The following PLCB3 variants were observed in gnomAD, a reference collection of about 807,000 sequenced individuals.
PLCB3 encodes the protein phospholipase C beta 3.
Under a neutral mutation model 152.1 loss-of-function variants are expected in PLCB3, and 54 were observed. The ratio of observed to expected loss-of-function variants is 0.36; its 90% CI spans 0.29 to 0.45. The LOEUF is 0.45. PLCB3 is among the 20% of genes least tolerant of loss of function. PLCB3 has a pLI of 1.00. For synonymous variants in PLCB3, 717 were observed against 698.7 expected, an observed-to-expected ratio of 1.03 and a Z score of -0.41; for missense variants, 1,248 against 1,687.5, an observed-to-expected ratio of 0.74 and a Z score of 4.56.
intron 1 of PLCB3, among the ~76,000 whole-genome samples, 171 bp downstream of exon 1, chr11:64,251,919 G>C (rs1349354426): frequency 6.6e-6 from 1 of 151,824 alleles, no homozygotes; most frequent in Non-Finnish European, 1.5e-5. Flanking sequence ...TGAAGACTTT[G>C]TCCCCCCAAC....
At position 64,255,968 on chromosome 11, in the gene PLCB3, G is replaced by A. The variant is rs538215788; in HGVS notation, c.698+147G>A. On this transcript the variant is annotated intron_variant, in intron 8 of 30. Coordinates refer to ENST00000279230, the MANE Select transcript of PLCB3 (RefSeq NM_000932.5). The surrounding 1 kb of genome is among the most constrained non-coding windows in gnomAD (Gnocchi z 6.8). Reference sequence around the variant, plus strand: ...GAGGGGTGCCCAGGGAGAACCTGTCGGTGATGTTCCTGTACTCAGACCCGC... The same window carrying A: ...GAGGGGTGCCCAGGGAGAACCTGTCAGTGATGTTCCTGTACTCAGACCCGC... 1.2e-5 allele frequency: 8 copies of A among 657,672 alleles called. No individual in the cohort carries two copies. Among genetic ancestry groups the A allele is most frequent in the African/African-American group, 5.4e-5 (3 of 56,024 alleles). 40.7% of individuals were successfully genotyped at this position (657,672 alleles called of 1,614,324 possible).
intron 1 of PLCB3, among the ~76,000 whole-genome samples, chr11:64,252,985 C>G (rs894085140): frequency 6.6e-6 from 1 of 152,196 alleles, no homozygotes; most frequent in Non-Finnish European, 1.5e-5. Context: ...GTTGGGAATC[C>G]GGAGAAGTGC....
intron 8 of PLCB3, among the ~76,000 whole-genome samples, chr11:64,256,070 G>A (rs1313939001): frequency 6.6e-6 from 1 of 152,184 alleles, no homozygotes; most frequent in Non-Finnish European, 1.5e-5. Flanking sequence ...ACTCTGCAAT[G>A]GGGTCCAAGC....
intron 24 of PLCB3, 25 bp downstream of exon 24, chr11:64,265,252 A>C: frequency 6.3e-7 from 1 of 1,592,886 alleles, no homozygotes; most frequent in Non-Finnish European, 8.6e-7. Flanking sequence ...ACCTGGAGGC[A>C]GGGGGCTGCC....
In PLCB3 at chr11:64,259,230, C is replaced by A; in HGVS notation, c.1511C>A (p.Ser504Tyr). 1 of 1,543,556 alleles carries A rather than the reference C, an allele frequency of 6.5e-7. No individual in the cohort carries two copies. ...LSESSAATEPSSPQLGSPSSD... is the reference protein window; with the variant it reads ...LSESSAATEPYSPQLGSPSSD... ...GAGAGCTCCGCGGCCACCGAGCCCT[C>A]CTCCCCGCAGCTGGGTAGGCCCCAG... The change falls in exon 13 of 31, where the codon TCC (serine) becomes TAC (tyrosine). Residue 504 changes from serine (S) to tyrosine (Y), a missense_variant. By Grantham distance (144) the Ser-to-Tyr change is moderately radical (BLOSUM62 -2). Coordinates refer to ENST00000279230, the MANE Select transcript of PLCB3 (RefSeq NM_000932.5).
At chr11:64,262,940 C>T in intron 19 of PLCB3, 132 bp downstream of exon 19, 1 of 876,128 alleles carries the variant, frequency 1.1e-6, no homozygotes, top group Admixed American at 2.2e-5. Flanking sequence ...TGCCATGGGT[C>T]CCCCAGGACC....
chr11:64,267,861 G>A lies in PLCB3; in HGVS notation c.*305G>A. ...AGACTTGGAGCTCCGGGAAGTAGGA[G>A]TCACATTTTTTTCTCTATTCTTTGG... On this transcript the variant is annotated 3_prime_UTR_variant, in exon 31 of 31. Coordinates refer to ENST00000279230, the MANE Select transcript of PLCB3 (RefSeq NM_000932.5). The surrounding 1 kb of genome is among the most constrained non-coding windows in gnomAD (Gnocchi z 5.2). The A allele has an allele frequency of 2.6e-6, 1 of 382,390 alleles. No homozygotes were observed. Among genetic ancestry groups the A allele is most frequent in the Non-Finnish European group, 4.7e-6 (1 of 213,190 alleles). 23.7% of individuals were successfully genotyped at this position (382,390 alleles called of 1,614,324 possible). A position where few individuals can be genotyped will look rare whatever the true frequency, so the allele number is the denominator to read the frequency against.
intron 10 of PLCB3, 151 bp downstream of exon 10, chr11:64,256,915 C>A: frequency 1.3e-6 from 1 of 798,904 alleles, no homozygotes; most frequent in Non-Finnish European, 1.9e-6. Context: ...CAGCCCTGAG[C>A]AGTGGGGCCT....
At position 64,262,036 on chromosome 11, in the gene PLCB3, C is replaced by T. The variant is rs750271470; in HGVS notation, c.1998C>T (p.Asn666=). The T allele has an allele frequency of 2.5e-5, 40 of 1,614,064 alleles. No individual in the cohort carries two copies. The highest frequency in any genetic ancestry group is 3.3e-4 in the Middle Eastern group (2 of 6,084). The change falls in exon 17 of 31, where the codon AAC becomes AAT. Residue 666 remains asparagine, a synonymous_variant. Transcript: ENST00000279230. ...ACTACATGCCCCAGCTCTTCTGGAA[C>T]GTAGGGTGCCAGCTTGTTGCGCTCA... ...SSNYMPQLFW[N]VGCQLVALNF... is the part of the protein sequence containing the mutation.
chr11:64,268,449 G>A (rs889626428), downstream of PLCB3: 3 of 152,266 alleles, frequency 2.0e-5, no homozygotes, highest in African/African-American at 7.2e-5. Context: ...CGCAGGGGCT[G>A]GGCCACCCAG....
rs1565337776 is a variant in PLCB3 at position 64,265,198 on chromosome 11, GTGA to G, written c.2818_2820del (p.Asp940del). The stretch of plus-strand genomic sequence containing the variant: ...CAGGGCCTCTGCTCCCCAGGGCAGC[GTGA>G]TGATCTCATCGCCAGCATCCTCTCA... On this transcript the variant is annotated inframe_deletion, in exon 24 of 31. Transcript: ENST00000279230. The G allele has an allele frequency of 6.3e-6, 10 of 1,598,294 alleles. No homozygotes were observed. Among genetic ancestry groups the G allele is most frequent in the South Asian group, 2.3e-5 (2 of 88,842 alleles).
At chr11:64,254,528 AG>A in intron 2 of PLCB3, 36 bp downstream of exon 2, 1 of 1,593,882 alleles carries the variant, frequency 6.3e-7, no homozygotes, top group Non-Finnish European at 8.6e-7. Flanking sequence ...GCTCAGGCCA[AG>A]GACCCCTGTC....
In PLCB3 at chr11:64,254,428, G is replaced by A. The variant is rs1387966146; in HGVS notation, c.113G>A (p.Arg38Gln). The change falls in exon 2 of 31, where the codon CGG becomes CAG. Residue 38 changes from arginine to glutamine, a missense_variant. Arg to Gln is a conservative substitution (Grantham distance 43, BLOSUM62 1). Coordinates refer to ENST00000279230, the MANE Select transcript of PLCB3 (RefSeq NM_000932.5). ...TGCTGTCCTCAGGAGACCTCCAGTC[G>A]GAACCTGGTGACCCTGCGTGTGGAC... ...FIKWDEETSS[R>Q]NLVTLRVDPN... is the part of the protein sequence containing the mutation. 4.3e-6 allele frequency: 7 copies of A among 1,613,728 alleles called. No individual in the cohort carries two copies. The highest frequency in any genetic ancestry group is 2.2e-5 in the East Asian group (1 of 44,902).
Position 64,255,534 on chromosome 11 carries a change from G to T in PLCB3, c.522-7G>T, listed in dbSNP as rs375384129. 1.2e-6 allele frequency: 2 copies of T among 1,612,880 alleles called. No individual in the cohort carries two copies. The highest frequency in any genetic ancestry group is 1.7e-6 in the Non-Finnish European group (2 of 1,179,498). On this transcript the variant is annotated splice_polypyrimidine_tract_variant and splice_region_variant and intron_variant, in intron 6 of 30. Coordinates refer to ENST00000279230, the MANE Select transcript of PLCB3 (RefSeq NM_000932.5). This position sits in a 1 kb window ranked among gnomAD's most constrained non-coding sequence, Gnocchi z 6.8. The stretch of plus-strand genomic sequence containing the variant: ...CACTGACCCTGAACCCCTCCTGCCC[G>T]CATCAGCATCCTGAAGATGTTCTCA...
chr11:64,253,140 G>A (rs1189976998), intron 1 of PLCB3, among the ~76,000 whole-genome samples: 1 of 152,228 alleles, frequency 6.6e-6, no homozygotes, highest in Admixed American at 6.5e-5. Context: ...TCCAGAAGAG[G>A]AAACTGAGGT....
Position 64,255,903 on chromosome 11 carries a change from G to A in PLCB3, c.698+82G>A. 9.1e-7 allele frequency: 1 copy of A among 1,095,130 alleles called. No individual in the cohort carries two copies. The highest frequency in any genetic ancestry group is 1.2e-5 in the South Asian group (1 of 80,296). The allele number at this position is 1,095,130 out of a possible 1,614,324, so 67.8% of individuals were successfully genotyped here. On this transcript the variant is annotated intron_variant, in intron 8 of 30. Transcript: ENST00000279230. The surrounding 1 kb of genome is among the most constrained non-coding windows in gnomAD (Gnocchi z 6.8). ...GCGTGCCTCTAGCTCAATGGGGAGA[G>A]GGGAAACTGGTGGGCCGGGTCCTGG...
chr11:64,258,489 G>C lies in PLCB3; in HGVS notation c.1029G>C (p.Gly343=), dbSNP rs1166670845. 2 of 1,613,174 alleles carry C rather than the reference G, an allele frequency of 1.2e-6. No homozygotes were observed. The highest frequency in any genetic ancestry group is 1.7e-6 in the Non-Finnish European group (2 of 1,179,808). ...CCGCCCCAGCGGGGCAGCTGGCTGG[G>C]ACCTCGTCGGTGGAGATGTACCGCC... ...NTYLTAGQLA[G]TSSVEMYRQA... The change falls in exon 11 of 31, where the codon GGG becomes GGC. Residue 343 remains glycine, a synonymous_variant. Coordinates refer to ENST00000279230, the MANE Select transcript of PLCB3 (RefSeq NM_000932.5). The surrounding 1 kb of genome is among the most constrained non-coding windows in gnomAD (Gnocchi z 7.2).
intron 2 of PLCB3, 66 bp downstream of exon 2, chr11:64,254,558 C>T (rs568816352): frequency 3.8e-5 from 58 of 1,522,694 alleles, no homozygotes; most frequent in Admixed American, 2.0e-4. Flanking sequence ...CTGCCCTGCC[C>T]GTGGGGGTGG....
At chr11:64,260,259 C>T (rs761583520) in intron 14 of PLCB3, 25 bp downstream of exon 14, 9 of 1,521,164 alleles carry the variant, frequency 5.9e-6, no homozygotes, top group African/African-American at 4.2e-5. Flanking sequence ...GTGGGCAGGT[C>T]GGGGAGGTAG....
Sources: gnomAD v4.1 joint callset for allele counts (sites outside exome capture counted in the v4.1 genomes callset) on GRCh38, gnomAD v4.1.1 for gene constraint, Gnocchi (gnomAD v3.1) non-coding constraint, MANE v1.5 for transcripts, NCBI Gene and HGNC (gene_info 2026-07-23, HGNC 2026-07-21) for gene names.